CNKSR2: variants seen among roughly 807,000 people sequenced by gnomAD.
CNKSR2 encodes the protein connector enhancer of kinase suppressor of Ras 2.
In CNKSR2, 14 loss-of-function variants were observed where a neutral mutation model predicts 84.4. That is an observed-to-expected ratio of 0.17 (90% CI 0.11 to 0.26). The LOEUF is 0.26. Ranked by LOEUF, CNKSR2 falls within the 10% of genes least tolerant of loss-of-function variation. The pLI is 1.00. For missense variants in CNKSR2, 485 were observed against 771.2 expected, an observed-to-expected ratio of 0.63 and a Z score of 4.40; for synonymous variants, 275 against 277.9, an observed-to-expected ratio of 0.99 and a Z score of 0.10.
intron 3 of CNKSR2, among the ~76,000 whole-genome samples, chrX:21,436,467 T>C (rs1245422283): frequency 1.8e-5 from 2 of 111,791 alleles, no homozygotes; most frequent in African/African-American, 6.5e-5. Context: ...CATCGTATTA[T>C]CTATATGATG....
At chrX:21,620,348 A>T (rs1017677624) in intron 20 of CNKSR2, among the ~76,000 whole-genome samples, 2 of 110,211 alleles carry the variant, frequency 1.8e-5, no homozygotes, top group Admixed American at 9.7e-5. Context: ...TACCTATTTT[A>T]AAATGTTTTA....
rs377392041 is a variant in CNKSR2, at chrX:21,544,109, CTTAG to C, written c.1303+12048_1303+12051del. 4.0e-3 allele frequency among the ~76,000 whole-genome samples: 447 copies of C among 112,474 alleles called. 3 individuals carry two copies. Among genetic ancestry groups the C allele is most frequent in the African/African-American group, 0.013 (408 of 30,979 alleles). ...ATTTTTCAAGTCTCCTGTGGAAGGA[CTTAG>C]TTAGTAAAGGACAAAGTATCTAGAA... On this transcript the variant is annotated intron_variant, in intron 11 of 21. Transcript: ENST00000379510.
At chrX:21,594,777 G>C (rs1602003460) in intron 15 of CNKSR2, 197 bp from the exon 16 acceptor site, 1 of 311,313 alleles carries the variant, frequency 3.2e-6, no homozygotes, top group Non-Finnish European at 5.8e-6. Context: ...TTAATTTGTA[G>C]TATTCTAAGT....
chrX:21,483,687 T>G (rs1318425800), intron 5 of CNKSR2, among the ~76,000 whole-genome samples: 1 of 108,367 alleles, frequency 9.2e-6, no homozygotes, highest in Non-Finnish European at 1.9e-5. Flanking sequence ...TAAATTCTGT[T>G]TCTGAATGTT....
chrX:21,627,248 T>TTA (rs2092627930), intron 20 of CNKSR2, among the ~76,000 whole-genome samples: 1 of 110,638 alleles, frequency 9.0e-6, no homozygotes, highest in Non-Finnish European at 1.9e-5. Context: ...ATCCCAGCAC[T>TTA]TTAGGAGGCC....
At chrX:21,485,757 T>C (rs990067235) in intron 5 of CNKSR2, among the ~76,000 whole-genome samples, 2 of 112,084 alleles carry the variant, frequency 1.8e-5, no homozygotes, top group African/African-American at 6.5e-5. Context: ...CTCTGTAGCT[T>C]TTTTAAGGCA....
chrX:21,605,635 A>T (rs1180500639), intron 18 of CNKSR2, among the ~76,000 whole-genome samples: 1 of 111,529 alleles, frequency 9.0e-6, no homozygotes, highest in Non-Finnish European at 1.9e-5. Flanking sequence ...CAAATCCCAG[A>T]TCTATTACTT....
At chrX:21,479,697 GAGA>G (rs765630493) in intron 5 of CNKSR2, among the ~76,000 whole-genome samples, 1 of 111,278 alleles carries the variant, frequency 9.0e-6, no homozygotes, top group African/African-American at 3.3e-5. Flanking sequence ...TCCCAAGGCT[GAGA>G]AGGTGTGGCT....
intron 5 of CNKSR2, among the ~76,000 whole-genome samples, chrX:21,488,591 C>G (rs2091409825): frequency 9.0e-6 from 1 of 111,595 alleles, no homozygotes; most frequent in Admixed American, 9.5e-5. Context: ...GCAAACAGCA[C>G]TAGCACAATT....
chrX:21,441,037 T>G lies in CNKSR2; in HGVS notation c.519+256T>G, dbSNP rs181059848. 258 of 190,116 alleles carry G rather than the reference T, an allele frequency of 1.4e-3. 1 individual carries two copies. The highest frequency in any genetic ancestry group is 7.0e-3 in the African/African-American group (235 of 33,659). 15.7% of individuals were successfully genotyped at this position (190,116 alleles called of 1,213,427 possible). A position where few individuals can be genotyped will look rare whatever the true frequency, so the allele number is the denominator to read the frequency against. On this transcript the variant is annotated intron_variant, in intron 4 of 21. Coordinates refer to ENST00000379510, the MANE Select transcript of CNKSR2 (RefSeq NM_014927.5). Reference sequence around the variant, plus strand: ...TGTGCCTAATAGCTTTTAACAGTGATCTAATTACCTGAACTGATTTTCCAC... The same window carrying G: ...TGTGCCTAATAGCTTTTAACAGTGAGCTAATTACCTGAACTGATTTTCCAC...
At chrX:21,405,647 C>T (rs1484329027) in intron 1 of CNKSR2, among the ~76,000 whole-genome samples, 1 of 110,574 alleles carries the variant, frequency 9.0e-6, no homozygotes, top group Non-Finnish European at 1.9e-5. Flanking sequence ...AATTCTTTTT[C>T]TTCCCTGTCT....
chrX:21,448,938 A>G (rs757123466), intron 4 of CNKSR2, among the ~76,000 whole-genome samples: 6 of 111,814 alleles, frequency 5.4e-5, no homozygotes, highest in Non-Finnish European at 9.4e-5. Flanking sequence ...AGGTTGAAGA[A>G]CTGGTCAGAA....
intron 4 of CNKSR2, among the ~76,000 whole-genome samples, chrX:21,462,318 T>G (rs1026430577): frequency 1.7e-4 from 19 of 112,301 alleles, no homozygotes; most frequent in Non-Finnish European, 3.2e-4. Flanking sequence ...TTATTTTTGT[T>G]TTCTTTTTCA....
intron 13 of CNKSR2, among the ~76,000 whole-genome samples, chrX:21,567,795 GGTGTGTGTGTGTGTGTGTGTGTGTGTGT>G (rs58020537): frequency 1.1e-5 from 1 of 90,131 alleles, no homozygotes; most frequent in Non-Finnish European, 2.2e-5. Context: ...GTTTTTGTGT[GGTGTGTGTGTGTGTGTGTGTGTGTGTGT>G]GTGTGTGTGT....
At chrX:21,412,459 A>G (rs917268511) in intron 1 of CNKSR2, among the ~76,000 whole-genome samples, 13 of 112,106 alleles carry the variant, frequency 1.2e-4, no homozygotes, top group Middle Eastern at 4.2e-3. Flanking sequence ...TCCTCACTCA[A>G]TATTGCTTAG....
intron 20 of CNKSR2, 55 bp downstream of exon 20, chrX:21,609,672 A>G: frequency 9.1e-7 from 1 of 1,104,221 alleles, no homozygotes; most frequent in Non-Finnish European, 1.2e-6. Flanking sequence ...TGACCTTTTC[A>G]AACTTCTTAT....
chrX:21,533,365 A>C (rs1352532188), intron 11 of CNKSR2, among the ~76,000 whole-genome samples: 1 of 110,213 alleles, frequency 9.1e-6, no homozygotes, highest in Non-Finnish European at 1.9e-5. Context: ...CACAAGTACT[A>C]ATTGACTGCC....
chrX:21,517,768 A>T (rs2091743218), intron 9 of CNKSR2, among the ~76,000 whole-genome samples: 1 of 111,552 alleles, frequency 9.0e-6, no homozygotes. Context: ...CCCATTATTC[A>T]TATTAAAAAG....
intron 4 of CNKSR2, among the ~76,000 whole-genome samples, chrX:21,464,344 G>C (rs909111481): frequency 8.9e-6 from 1 of 112,176 alleles, no homozygotes; most frequent in Admixed American, 9.4e-5. Flanking sequence ...TTGGGGGAAA[G>C]GGGGCATTGG....
Sources: gnomAD v4.1 joint callset for allele counts (sites outside exome capture counted in the v4.1 genomes callset) on GRCh38, gnomAD v4.1.1 for gene constraint, MANE v1.5 for transcripts, NCBI Gene and HGNC (gene_info 2026-07-23, HGNC 2026-07-21) for gene names.